Variants in SENP8 observed in about 807,000 individuals in gnomAD.
SENP8 encodes the protein sentrin-specific protease 8.
Under a neutral mutation model 14.4 loss-of-function variants are expected in SENP8, and 10 were observed. The observed-to-expected ratio is 0.69, with a 90% CI of 0.43 to 1.18. The LOEUF (loss-of-function observed/expected upper bound fraction) is 1.18. Among genes scored for constraint, SENP8 ranks in the 50% most tolerant of loss-of-function variants. SENP8 has a pLI of 0.00. For synonymous variants in SENP8, 94 were observed against 95.5 expected, an observed-to-expected ratio of 0.98 and a Z score of 0.09; for missense variants, 202 against 249.4, an observed-to-expected ratio of 0.81 and a Z score of 1.28.
upstream of SENP8, chr15:72,118,266 A>T (rs919168683): frequency 2.0e-5 from 6 of 295,390 alleles, no homozygotes; most frequent in Non-Finnish European, 3.1e-5. Context: ...CCCCTTTCCT[A>T]CGCCCCAGGC....
upstream of SENP8, chr15:72,118,302 C>T: frequency 7.9e-6 from 2 of 252,384 alleles, no homozygotes; most frequent in Non-Finnish European, 1.5e-5. Flanking sequence ...TTTTCTTCTT[C>T]ACCTTACGGC....
At chr15:72,117,671 G>A, upstream of SENP8, 1 of 396,302 alleles carries the variant, frequency 2.5e-6, no homozygotes, top group Non-Finnish European at 4.4e-6. Context: ...GCGCTTGGGC[G>A]GGTCTTACCT....
chr15:72,130,221 A>C (rs1383960613), intron 1 of SENP8, among the ~76,000 whole-genome samples: 2 of 152,124 alleles, frequency 1.3e-5, no homozygotes, highest in Admixed American at 1.3e-4. Context: ...ATTTATCTGG[A>C]AACTGCCTTT....
upstream of SENP8, chr15:72,114,370 G>A (rs2080890713): frequency 6.6e-6 from 1 of 152,190 alleles, no homozygotes; most frequent in Non-Finnish European, 1.5e-5. Flanking sequence ...GATATTTTCA[G>A]TTAAAATAAG....
intron 1 of SENP8, among the ~76,000 whole-genome samples, chr15:72,137,087 C>T (rs1334086102): frequency 6.6e-6 from 1 of 152,072 alleles, no homozygotes; most frequent in Non-Finnish European, 1.5e-5. Context: ...TGGTTTGGAG[C>T]TCTAGCTGGA....
chr15:72,127,092 ATTAT>A (rs1430464496), intron 1 of SENP8, among the ~76,000 whole-genome samples: 1 of 152,134 alleles, frequency 6.6e-6, no homozygotes, highest in African/African-American at 2.4e-5. Flanking sequence ...TTATTCTACA[ATTAT>A]TTATTGAGTA....
chr15:72,118,542 T>A (rs893175574), intron 1 of SENP8, 78 bp downstream of exon 1: 3 of 152,172 alleles, frequency 2.0e-5, no homozygotes, highest in African/African-American at 7.2e-5. Flanking sequence ...GGCGTATCCG[T>A]GCTCCCTCCC....
At chr15:72,117,825 G>A (rs2081056258), upstream of SENP8, 1 of 398,640 alleles carries the variant, frequency 2.5e-6, no homozygotes, top group Non-Finnish European at 4.4e-6. Context: ...GGGCCCAGCA[G>A]CCTCAGGGTC....
chr15:72,129,431 C>T (rs754505587), intron 1 of SENP8, among the ~76,000 whole-genome samples: 3 of 151,378 alleles, frequency 2.0e-5, no homozygotes, highest in African/African-American at 7.3e-5. Context: ...GGTGCCATTT[C>T]GGCTCACTGC....
In SENP8 at chr15:72,141,607, G is replaced by A. The variant is rs542998696; in HGVS notation, c.*1345G>A. 2.0e-5 allele frequency: 3 copies of A among 152,274 alleles called. No individual in the cohort carries two copies. Among genetic ancestry groups the A allele is most frequent in the African/African-American group, 7.2e-5 (3 of 41,540 alleles). 9.4% of individuals were successfully genotyped at this position (152,274 alleles called of 1,614,324 possible). A position where few individuals can be genotyped will look rare whatever the true frequency, so the allele number is the denominator to read the frequency against. On this transcript the variant is annotated 3_prime_UTR_variant, in exon 2 of 2. Coordinates refer to ENST00000340912, the MANE Select transcript of SENP8 (RefSeq NM_145204.4). Reference sequence around the variant, plus strand: ...TCACCACTCAGTGACCACAGAGAAAGTAACTTGGTTCCTTTTAGCCGAGAA... The same window carrying A: ...TCACCACTCAGTGACCACAGAGAAAATAACTTGGTTCCTTTTAGCCGAGAA...
At chr15:72,136,243 A>G (rs2081326439) in intron 1 of SENP8, among the ~76,000 whole-genome samples, 1 of 152,214 alleles carries the variant, frequency 6.6e-6, no homozygotes, top group Non-Finnish European at 1.5e-5. Context: ...AAACTATCGG[A>G]CTATAATACA....
chr15:72,140,530 G>GT lies in SENP8; in HGVS notation c.*271dup. 1 of 418,820 alleles carries GT rather than the reference G, an allele frequency of 2.4e-6. No homozygotes were observed. The highest frequency in any genetic ancestry group is 3.7e-5 in the South Asian group (1 of 27,008). The allele number at this position is 418,820 out of a possible 1,614,324, so 25.9% of individuals were successfully genotyped here. A position where few individuals can be genotyped will look rare whatever the true frequency, so the allele number is the denominator to read the frequency against. On this transcript the variant is annotated 3_prime_UTR_variant, in exon 2 of 2. Transcript: ENST00000340912. ...TATTTGAACATTTATTACACACAGGGTTTACGTAAGACTTTTCTTATTGGT... is the reference window on the plus strand; with the variant it reads ...TATTTGAACATTTATTACACACAGGGTTTTACGTAAGACTTTTCTTATTGGT...
rs756043459 is a variant in SENP8, at chr15:72,139,985, A to G, written c.362A>G (p.His121Arg). ...DKNSFFHYDS[H>R]SRSNSVHAKQ... is the part of the protein sequence containing the mutation. Reference sequence around the variant, plus strand: ...AATAGCTTTTTTCATTATGATTCCCATAGCAGGAGCAACTCAGTTCACGCA... The same window carrying G: ...AATAGCTTTTTTCATTATGATTCCCGTAGCAGGAGCAACTCAGTTCACGCA... The change falls in exon 2 of 2, where the codon CAT (histidine) becomes CGT (arginine). Residue 121 changes from histidine to arginine, a missense_variant. His to Arg is a conservative substitution (Grantham distance 29, BLOSUM62 0). Coordinates refer to ENST00000340912, the MANE Select transcript of SENP8 (RefSeq NM_145204.4). 1.5e-5 allele frequency: 24 copies of G among 1,614,118 alleles called. No homozygotes were observed. The highest frequency in any genetic ancestry group is 2.0e-5 in the Non-Finnish European group (24 of 1,180,056).
At chr15:72,136,907 C>G (rs910690538) in intron 1 of SENP8, among the ~76,000 whole-genome samples, 1 of 152,164 alleles carries the variant, frequency 6.6e-6, no homozygotes, top group Admixed American at 6.5e-5. Context: ...TCTGTTGAGT[C>G]TGTTAGGCTC....
chr15:72,126,937 G>C (rs943811991), intron 1 of SENP8, among the ~76,000 whole-genome samples: 3 of 152,170 alleles, frequency 2.0e-5, no homozygotes, highest in South Asian at 2.1e-4. Context: ...TTTCAGAGCA[G>C]AAATGAAGAA....
intron 1 of SENP8, chr15:72,134,744 AG>A: frequency 4.3e-6 from 1 of 233,686 alleles, no homozygotes; most frequent in South Asian, 6.7e-5. Flanking sequence ...CGAATCTATA[AG>A]AAATATGATA....
upstream of SENP8, among the ~76,000 whole-genome samples, chr15:72,116,321 CTT>C (rs1335530861): frequency 2.0e-5 from 3 of 152,178 alleles, no homozygotes; most frequent in African/African-American, 7.2e-5. Flanking sequence ...ACAAAGACCT[CTT>C]TATATTTCAT....
chr15:72,129,947 G>T (rs966676681), intron 1 of SENP8, among the ~76,000 whole-genome samples: 5 of 151,988 alleles, frequency 3.3e-5, no homozygotes, highest in African/African-American at 1.2e-4. Flanking sequence ...AGCATTTTGG[G>T]AGGCCAAGGT....
chr15:72,128,931 CTCTT>C (rs1219947509), intron 1 of SENP8, among the ~76,000 whole-genome samples: 2 of 152,130 alleles, frequency 1.3e-5, no homozygotes, highest in African/African-American at 4.8e-5. Context: ...GGCTGTTTCT[CTCTT>C]TTTATTTTTT....
Sources: gnomAD v4.1 joint callset for allele counts (sites outside exome capture counted in the v4.1 genomes callset) on GRCh38, gnomAD v4.1.1 for gene constraint, MANE v1.5 for transcripts, NCBI Gene and HGNC (gene_info 2026-07-23, HGNC 2026-07-21) for gene names.